NEK11: variants seen among roughly 807,000 people sequenced by gnomAD.
The protein encoded by NEK11 is serine/threonine-protein kinase Nek11.
In NEK11, 72 loss-of-function variants were observed where a neutral mutation model predicts 80.7. That is an observed-to-expected ratio of 0.89 (90% CI 0.74 to 1.08). The LOEUF (loss-of-function observed/expected upper bound fraction) is 1.08. NEK11 is among the 50% of genes least tolerant of loss of function. The pLI is 0.00. For synonymous variants in NEK11, 251 were observed against 260.7 expected (o/e 0.96, Z 0.36); for missense variants, 764 against 763.6 (o/e 1.00, Z -0.01).
chr3:131,115,966 CTT>C (rs1468311532), intron 5 of NEK11, among the ~76,000 whole-genome samples: 15 of 141,020 alleles, frequency 1.1e-4, no homozygotes, highest in African/African-American at 3.2e-4. Context: ...TTCTTTCTTT[CTT>C]TCTTTCTTTC....
intron 17 of NEK11, among the ~76,000 whole-genome samples, chr3:131,337,034 A>C (rs1257717626): frequency 6.6e-6 from 1 of 152,170 alleles, no homozygotes; most frequent in East Asian, 1.9e-4. Flanking sequence ...AAACTAGTTC[A>C]ACCATTGTGG....
intron 3 of NEK11, among the ~76,000 whole-genome samples, chr3:131,068,410 C>G (rs1247827283): frequency 6.6e-6 from 1 of 152,126 alleles, no homozygotes; most frequent in East Asian, 1.9e-4. Context: ...ACCCTGTGTC[C>G]CTTCTTTGTA....
chr3:131,260,245 T>TG (rs141014842), intron 16 of NEK11, among the ~76,000 whole-genome samples: 2,274 of 152,274 alleles, frequency 0.015, 56 homozygotes, highest in African/African-American at 0.052. Context: ...GGCACTTCTA[T>TG]GGGATGTTAG....
intron 5 of NEK11, 47 bp downstream of exon 5, chr3:131,109,968 AT>A: frequency 3.3e-6 from 5 of 1,536,682 alleles, no homozygotes; most frequent in Non-Finnish European, 4.3e-6. Flanking sequence ...TTTAACAGTC[AT>A]GTTTGAACTT....
intron 14 of NEK11, among the ~76,000 whole-genome samples, chr3:131,179,659 G>T (rs1278096634): frequency 1.3e-5 from 2 of 152,004 alleles, no homozygotes; most frequent in African/African-American, 2.4e-5. Context: ...ATTCTTATTG[G>T]AAAATGAGTC....
chr3:131,265,448 C>T (rs1463547744), intron 16 of NEK11, among the ~76,000 whole-genome samples: 1 of 152,064 alleles, frequency 6.6e-6, no homozygotes, highest in East Asian at 1.9e-4. Flanking sequence ...TTGTCGAAGG[C>T]CTTTTCTGTG....
At chr3:131,154,957 A>G in intron 9 of NEK11, 79 bp from the exon 10 acceptor site, 1 of 870,666 alleles carries the variant, frequency 1.1e-6, no homozygotes, top group Non-Finnish European at 1.9e-6. Flanking sequence ...CCCAAATCTG[A>G]AAAGATTCTT....
intron 16 of NEK11, among the ~76,000 whole-genome samples, chr3:131,265,364 C>T (rs1253098033): frequency 6.6e-6 from 1 of 152,088 alleles, no homozygotes; most frequent in Non-Finnish European, 1.5e-5. Flanking sequence ...TCATAAATAG[C>T]TTTTATTATT....
chr3:131,197,381 G>T (rs2094060177), intron 14 of NEK11, among the ~76,000 whole-genome samples: 1 of 152,242 alleles, frequency 6.6e-6, no homozygotes, highest in African/African-American at 2.4e-5. Flanking sequence ...GTCTGCGGTA[G>T]ATCTTAGTCA....
At chr3:131,224,203 A>G (rs557322836) in intron 14 of NEK11, among the ~76,000 whole-genome samples, 59 of 152,170 alleles carry the variant, frequency 3.9e-4, no homozygotes, top group African/African-American at 1.3e-3. Flanking sequence ...GTGATGACAA[A>G]TGACTGTTAC....
intron 3 of NEK11, among the ~76,000 whole-genome samples, chr3:131,037,076 T>G (rs2065760466): frequency 6.6e-6 from 1 of 152,204 alleles, no homozygotes; most frequent in African/African-American, 2.4e-5. Flanking sequence ...TTCTTTGAAG[T>G]AGAAGACTAT....
At chr3:131,276,326 G>A (rs919195638) in intron 17 of NEK11, among the ~76,000 whole-genome samples, 2 of 152,220 alleles carry the variant, frequency 1.3e-5, no homozygotes, top group African/African-American at 4.8e-5. Context: ...GAGGAAGGAA[G>A]CAGACTGGTC....
rs531860877 is a variant in NEK11 at position 131,121,642 on chromosome 3, A to G, written c.456-11103A>G. 2.0e-5 allele frequency among the ~76,000 whole-genome samples: 3 copies of G among 152,070 alleles called. No homozygotes were observed. The East Asian group carries it at 5.8e-4, about 29-fold the overall frequency. ...ACTCCGGTGGGCTCCACCCAGTTTG[A>G]GCTTCCAGGCCACTTTGTTTACCTA... On this transcript the variant is annotated intron_variant, in intron 5 of 17. Transcript: ENST00000383366.
rs936315682 is a variant in NEK11, at chr3:131,349,588, T to C, written c.1750T>C (p.Phe584Leu). 2.5e-6 allele frequency: 4 copies of C among 1,614,138 alleles called. No individual in the cohort carries two copies. Among genetic ancestry groups the C allele is most frequent in the Non-Finnish European group, 3.4e-6 (4 of 1,180,008 alleles). The change falls in exon 18 of 18, where the codon TTT (phenylalanine) becomes CTT (leucine). Residue 584 changes from phenylalanine to leucine, a missense_variant. Phe to Leu is a conservative substitution (Grantham distance 22). Transcript: ENST00000383366. The part of the protein sequence containing the change: ...SAMQKLGTEV[F>L]EEVYNYLKRA... Reference sequence around the variant, plus strand: ...CATGCAGAAGCTGGGGACAGAAGTATTTGAAGAGGTCTATAATTACCTCAA... The same window carrying C: ...CATGCAGAAGCTGGGGACAGAAGTACTTGAAGAGGTCTATAATTACCTCAA...
rs1581572880 is a variant in NEK11 at position 131,297,564 on chromosome 3, C to T, written c.1718+23990C>T. Among the ~76,000 whole-genome samples the T allele has an allele frequency of 5.3e-5, 8 of 152,168 alleles. 1 individual carries two copies. The East Asian group carries it at 1.5e-3, about 29-fold the overall frequency. On this transcript the variant is annotated intron_variant, in intron 17 of 17. Coordinates refer to ENST00000383366, the MANE Select transcript of NEK11 (RefSeq NM_024800.5). ...GTTCATTGTAGATTCTGGATATTAG[C>T]CCTTTGTCAGATGAGTAGGTTGCGA...
intron 16 of NEK11, among the ~76,000 whole-genome samples, chr3:131,245,133 C>T (rs1026338485): frequency 6.6e-6 from 1 of 152,032 alleles, no homozygotes; most frequent in African/African-American, 2.4e-5. Context: ...TTACTCCACA[C>T]TGTATATCCA....
At chr3:131,237,166 C>A (rs1156557675) in intron 15 of NEK11, among the ~76,000 whole-genome samples, 1 of 151,856 alleles carries the variant, frequency 6.6e-6, no homozygotes, top group African/African-American at 2.4e-5. Flanking sequence ...ATAGTGAGAC[C>A]TAATCTCTAC....
chr3:131,165,524 G>C lies in NEK11; in HGVS notation c.1176+5G>C. ...CTGAGTGTTGATGTACTCCATGTAAGTACCCTCTTATTTTAAATTTTACAT... is the reference window on the plus strand; with the variant it reads ...CTGAGTGTTGATGTACTCCATGTAACTACCCTCTTATTTTAAATTTTACAT... On this transcript the variant is annotated splice_donor_5th_base_variant and intron_variant, in intron 12 of 17. Coordinates refer to ENST00000383366, the MANE Select transcript of NEK11 (RefSeq NM_024800.5). The C allele has an allele frequency of 2.5e-6, 4 of 1,568,898 alleles. No homozygotes were observed. Among genetic ancestry groups the C allele is most frequent in the Non-Finnish European group, 3.5e-6 (4 of 1,146,028 alleles).
chr3:131,196,351 C>A (rs114560459), intron 14 of NEK11, among the ~76,000 whole-genome samples: 1 of 151,610 alleles, frequency 6.6e-6, no homozygotes, highest in Non-Finnish European at 1.5e-5. Flanking sequence ...ATAACACACA[C>A]AAAAATAAAT....
Sources: gnomAD v4.1 joint callset for allele counts (sites outside exome capture counted in the v4.1 genomes callset) on GRCh38, gnomAD v4.1.1 for gene constraint, MANE v1.5 for transcripts, NCBI Gene and HGNC (gene_info 2026-07-23, HGNC 2026-07-21) for gene names.